GABRB1: variants seen among roughly 807,000 people sequenced by gnomAD.
The protein encoded by GABRB1 is gamma-aminobutyric acid receptor subunit beta-1.
Under a neutral mutation model 51.6 loss-of-function variants are expected in GABRB1, and 17 were observed. That is an observed-to-expected ratio of 0.33 (90% CI 0.23 to 0.49). The LOEUF is 0.49. Ranked by LOEUF, GABRB1 falls within the 20% of genes least tolerant of loss-of-function variation. GABRB1 has a pLI of 0.99. For synonymous variants in GABRB1, 247 were observed against 218.9 expected (o/e 1.13, Z -1.14); for missense variants, 410 against 600.6 (o/e 0.68, Z 3.32).
intron 3 of GABRB1, among the ~76,000 whole-genome samples, chr4:47,135,474 A>C (rs1716601634): frequency 6.6e-6 from 1 of 152,184 alleles, no homozygotes; most frequent in African/African-American, 2.4e-5. Context: ...AGTGTGCCAA[A>C]AGAAGAGACG....
intron 1 of GABRB1, among the ~76,000 whole-genome samples, chr4:47,004,787 A>G (rs1342029496): frequency 6.6e-6 from 1 of 152,224 alleles, no homozygotes; most frequent in Non-Finnish European, 1.5e-5. Context: ...TATTCTGTCA[A>G]TGTGTATTTG....
At chr4:47,348,209 A>G (rs2109994697) in intron 5 of GABRB1, among the ~76,000 whole-genome samples, 1 of 152,304 alleles carries the variant, frequency 6.6e-6, no homozygotes, top group East Asian at 1.9e-4. Context: ...TGATGTTATC[A>G]TGCTGTTCAG....
chr4:47,123,992 C>A (rs1343144873), intron 3 of GABRB1, among the ~76,000 whole-genome samples: 38 of 125,886 alleles, frequency 3.0e-4, no homozygotes, highest in African/African-American at 1.0e-3. Context: ...CACACACACA[C>A]ATGCATATAT....
In GABRB1 at chr4:47,398,784, G is replaced by GTTTGT. The variant is rs1436451186; in HGVS notation, c.545-4515_545-4511dup. On this transcript the variant is annotated intron_variant, in intron 5 of 8. Coordinates refer to ENST00000295454, the MANE Select transcript of GABRB1 (RefSeq NM_000812.4). ...TGTGAGGTTTTTTTGTTTTTTGTTT[G>GTTTGT]TTTGTTTTGTTTTGTTTTGTTTTTG... Among the ~76,000 whole-genome samples the GTTTGT allele has an allele frequency of 9.0e-4, 136 of 150,606 alleles. 1 individual carries two copies. The highest frequency in any genetic ancestry group is 3.5e-3 in the Middle Eastern group (1 of 284).
At chr4:47,227,688 T>A (rs767764815) in intron 4 of GABRB1, among the ~76,000 whole-genome samples, 22 of 152,096 alleles carry the variant, frequency 1.4e-4, no homozygotes, top group Non-Finnish European at 2.8e-4. Flanking sequence ...TGAGGGGCTG[T>A]CTTAGTTTGG....
chr4:47,098,382 A>T (rs950781410), intron 3 of GABRB1, among the ~76,000 whole-genome samples: 3 of 152,224 alleles, frequency 2.0e-5, no homozygotes, highest in Middle Eastern at 3.4e-3. Flanking sequence ...GCATTTTATC[A>T]TGAAACTTTG....
intron 4 of GABRB1, among the ~76,000 whole-genome samples, chr4:47,180,186 C>T (rs567440785): frequency 2.6e-5 from 4 of 151,906 alleles, no homozygotes; most frequent in African/African-American, 9.6e-5. Context: ...AGAGGATGCT[C>T]AAATATTTTT....
chr4:47,415,255 T>C (rs1728873407), intron 8 of GABRB1, among the ~76,000 whole-genome samples: 1 of 152,190 alleles, frequency 6.6e-6, no homozygotes, highest in African/African-American at 2.4e-5. Context: ...CCCACACAAC[T>C]GAAAGGTGGA....
intron 4 of GABRB1, among the ~76,000 whole-genome samples, chr4:47,212,923 A>C (rs989942433): frequency 1.3e-5 from 2 of 152,172 alleles, no homozygotes; most frequent in East Asian, 3.9e-4. Flanking sequence ...GTCAAGGATA[A>C]AACAAAACAA....
chr4:47,339,379 C>T (rs774436151), intron 5 of GABRB1, among the ~76,000 whole-genome samples: 1 of 152,146 alleles, frequency 6.6e-6, no homozygotes, highest in Non-Finnish European at 1.5e-5. Context: ...CAGCAAGAAA[C>T]TCAACAATTC....
chr4:47,078,364 T>A (rs1039606046), intron 3 of GABRB1, among the ~76,000 whole-genome samples: 5 of 152,230 alleles, frequency 3.3e-5, no homozygotes, highest in Admixed American at 1.3e-4. Context: ...GTTCTTAACC[T>A]CTTCTTTTCT....
chr4:47,196,999 C>T (rs1719709602), intron 4 of GABRB1, among the ~76,000 whole-genome samples: 2 of 152,184 alleles, frequency 1.3e-5, no homozygotes, highest in African/African-American at 4.8e-5. Context: ...TGTTGAGTTA[C>T]ACACAAGAGG....
At chr4:47,351,631 T>C (rs1403278611) in intron 5 of GABRB1, among the ~76,000 whole-genome samples, 3 of 143,610 alleles carry the variant, frequency 2.1e-5, no homozygotes, top group African/African-American at 7.8e-5. Context: ...CATTGTTCAA[T>C]TCCCATCTAT....
In GABRB1 at chr4:47,043,275, G is replaced by A. The variant is rs567388926; in HGVS notation, c.240+10791G>A. On this transcript the variant is annotated intron_variant, in intron 3 of 8. Transcript: ENST00000295454. ...AGGAAGACTGGATAAAAAATTTGGA[G>A]AGTAGGATATATTCACAAAACTGGA... is the stretch of plus-strand genomic sequence containing the variant. The A allele has an allele frequency of 4.6e-5, 7 of 152,156 alleles. No homozygotes were observed. The South Asian group carries it at 1.4e-3, about 32-fold the overall frequency. The allele number at this position is 152,156 out of a possible 1,614,324, so 9.4% of individuals were successfully genotyped here. A position where few individuals can be genotyped will look rare whatever the true frequency, so the allele number is the denominator to read the frequency against.
chr4:47,014,870 G>C (rs1222981609), intron 1 of GABRB1, among the ~76,000 whole-genome samples: 1 of 150,818 alleles, frequency 6.6e-6, no homozygotes, highest in Non-Finnish European at 1.5e-5. Context: ...TGAAGTTTGG[G>C]AAACTATAGT....
At chr4:47,062,875 A>T (rs1726899360) in intron 3 of GABRB1, among the ~76,000 whole-genome samples, 1 of 152,164 alleles carries the variant, frequency 6.6e-6, no homozygotes, top group Non-Finnish European at 1.5e-5. Flanking sequence ...ATTCGATTAC[A>T]TTCAAAACCA....
rs1729259253 is a variant in GABRB1, at chr4:47,425,722, G to A, written c.1129G>A (p.Glu377Lys). ...ILLSTLEIRN[E>K]TSGSEVLTSV... is the part of the protein sequence containing the mutation. ...CCTCAGCACCCTGGAAATCCGGAAT[G>A]AGACGAGTGGCTCGGAAGTGCTCAC... The change falls in exon 9 of 9, where the codon GAG becomes AAG. Residue 377 changes from glutamate (E) to lysine (K), a missense_variant. Coordinates refer to ENST00000295454, the MANE Select transcript of GABRB1 (RefSeq NM_000812.4). 3.7e-6 allele frequency: 6 copies of A among 1,613,898 alleles called. No individual in the cohort carries two copies. The highest frequency in any genetic ancestry group is 5.1e-6 in the Non-Finnish European group (6 of 1,179,924).
chr4:47,407,378 C>T (rs1003432388), intron 8 of GABRB1, among the ~76,000 whole-genome samples: 3 of 152,156 alleles, frequency 2.0e-5, no homozygotes, highest in African/African-American at 7.2e-5. Context: ...CTTTATCTAA[C>T]CTTTTCTCTC....
intron 3 of GABRB1, among the ~76,000 whole-genome samples, chr4:47,107,370 C>A (rs1446460737): frequency 2.0e-5 from 3 of 151,996 alleles, no homozygotes; most frequent in Non-Finnish European, 2.9e-5. Context: ...CTCTCAACTG[C>A]TCACCAACCT....
Sources: allele counts gnomAD v4.1 joint callset (sites outside exome capture counted in the v4.1 genomes callset), GRCh38; gene constraint gnomAD v4.1.1; transcripts MANE v1.5; gene names NCBI Gene and HGNC (gene_info 2026-07-23, HGNC 2026-07-21).